Variants in PRDM10 observed in about 807,000 individuals in gnomAD.
The protein encoded by PRDM10 is PR domain zinc finger protein 10.
PRDM10 carries 65 observed loss-of-function variants against 133.1 expected under a neutral mutation model. The ratio of observed to expected loss-of-function variants is 0.49; its 90% CI spans 0.40 to 0.60. The LOEUF is 0.60. Among genes scored for constraint, PRDM10 ranks in the 20% least tolerant of loss-of-function variants. The probability of loss-of-function intolerance (pLI) is 0.00; values close to 1 mark genes in which losing one functional copy is unlikely to be tolerated. For synonymous variants in PRDM10, 582 were observed against 580.4 expected (o/e 1.00, Z -0.04); for missense variants, 1,137 against 1,507.1 (o/e 0.75, Z 4.07).
intron 7 of PRDM10, among the ~76,000 whole-genome samples, chr11:129,938,515 C>T (rs1951106164): frequency 1.3e-5 from 2 of 152,218 alleles, no homozygotes; most frequent in Admixed American, 1.3e-4. Flanking sequence ...TGTTCTCCAT[C>T]CCCGCTTTTG....
At chr11:129,986,243 T>C (rs57424638) in intron 1 of PRDM10, among the ~76,000 whole-genome samples, 3,552 of 151,766 alleles carry the variant, frequency 0.023, 116 homozygotes, top group African/African-American at 0.076. Context: ...ACAAGAATGG[T>C]TGGAAATCAC....
At chr11:129,959,472 T>G (rs992500528) in intron 2 of PRDM10, among the ~76,000 whole-genome samples, 1 of 152,116 alleles carries the variant, frequency 6.6e-6, no homozygotes, top group Non-Finnish European at 1.5e-5. Flanking sequence ...TCTTCATCAT[T>G]CATTAAATCA....
At chr11:129,917,355 A>G (rs115470990) in intron 14 of PRDM10, 118 bp from the exon 15 acceptor site, 26,130 of 726,106 alleles carry the variant, frequency 0.036, 669 homozygotes, top group Admixed American at 0.076. Flanking sequence ...AATGCCCCCA[A>G]ATAATAAGGC....
chr11:129,945,766 A>T lies in PRDM10; in HGVS notation c.521-754T>A, dbSNP rs73016894. ...GGAGAGCAAATGGACCACACAGGCCATGCCCACAACCCTTAACACACTTAA... is the reference window on the plus strand; with the variant it reads ...GGAGAGCAAATGGACCACACAGGCCTTGCCCACAACCCTTAACACACTTAA... On this transcript the variant is annotated intron_variant, in intron 5 of 20. Coordinates refer to ENST00000360871, the MANE Select transcript of PRDM10 (RefSeq NM_199437.2). The surrounding 1 kb of genome is among the most constrained non-coding windows in gnomAD (Gnocchi z 4.2). Among the ~76,000 whole-genome samples the T allele has an allele frequency of 0.1, 15,175 of 152,276 alleles. 920 individuals are homozygous for T. The highest frequency in any genetic ancestry group is 0.16 in the African/African-American group (6,571 of 41,534).
chr11:129,937,469 C>T (rs1951069554), intron 8 of PRDM10, 129 bp downstream of exon 8: 2 of 663,054 alleles, frequency 3.0e-6, no homozygotes, highest in Non-Finnish European at 4.9e-6. Context: ...AGATGTGTGT[C>T]TCTAAAAAAC....
intron 18 of PRDM10, among the ~76,000 whole-genome samples, 162 bp downstream of exon 18, chr11:129,911,923 G>A (rs1020165920): frequency 6.6e-6 from 1 of 152,216 alleles, no homozygotes; most frequent in African/African-American, 2.4e-5. Context: ...TGTCCACAAT[G>A]CCAATATAAA....
At chr11:129,971,855 C>G (rs1348579503) in intron 1 of PRDM10, among the ~76,000 whole-genome samples, 1 of 152,202 alleles carries the variant, frequency 6.6e-6, no homozygotes, top group Non-Finnish European at 1.5e-5. Flanking sequence ...CTTGGGTGGT[C>G]GATGGGACTG....
chr11:129,903,127 T>G (rs191825005), intron 20 of PRDM10, among the ~76,000 whole-genome samples: 31 of 152,064 alleles, frequency 2.0e-4, no homozygotes, highest in African/African-American at 7.5e-4. Flanking sequence ...AAACTCCGTC[T>G]CTACTAAACA....
intron 1 of PRDM10, among the ~76,000 whole-genome samples, chr11:129,986,000 A>G (rs1565512368): frequency 6.6e-6 from 1 of 151,764 alleles, no homozygotes; most frequent in Non-Finnish European, 1.5e-5. Context: ...CTTAGTGTAC[A>G]CAGAGGTGTT....
chr11:129,999,403 A>G (rs970422746), intron 1 of PRDM10, among the ~76,000 whole-genome samples: 2 of 152,240 alleles, frequency 1.3e-5, no homozygotes, highest in African/African-American at 4.8e-5. Flanking sequence ...AATCTATTAA[A>G]GTACCTATAA....
chr11:129,938,575 C>CTTCTGACTGGCCTCTCCTT (rs1951108069), intron 7 of PRDM10, among the ~76,000 whole-genome samples: 1 of 152,212 alleles, frequency 6.6e-6, no homozygotes, highest in African/African-American at 2.4e-5. Context: ...GCCACTTGGC[C>CTTCTGACTGGCCTCTCCTT]TTCTGACTGG....
chr11:129,905,787 C>T (rs765825481), intron 19 of PRDM10, 46 bp from the exon 20 acceptor site: 1 of 1,537,716 alleles, frequency 6.5e-7, no homozygotes, highest in Admixed American at 1.7e-5. Flanking sequence ...CAGATTTTAA[C>T]ACAAGTCTTA....
chr11:129,915,495 T>G (rs75382360), intron 16 of PRDM10, among the ~76,000 whole-genome samples, 165 bp downstream of exon 16: 4,500 of 152,302 alleles, frequency 0.03, 99 homozygotes, highest in Admixed American at 0.071. Context: ...CCTCTTTCCA[T>G]TCTCTGCTGT....
chr11:129,903,104 G>T (rs1949892365), intron 20 of PRDM10, among the ~76,000 whole-genome samples: 1 of 152,006 alleles, frequency 6.6e-6, no homozygotes, highest in Admixed American at 6.6e-5. Flanking sequence ...AGACCAGCCT[G>T]ACCAACATGA....
intron 1 of PRDM10, among the ~76,000 whole-genome samples, chr11:130,002,193 C>A (rs1306958412): frequency 6.8e-6 from 1 of 147,744 alleles, no homozygotes; most frequent in Non-Finnish European, 1.5e-5. Flanking sequence ...GAGACCTGCC[C>A]GCCGCGCCCG....
intron 1 of PRDM10, among the ~76,000 whole-genome samples, chr11:129,978,317 A>G (rs186456025): frequency 3.9e-5 from 6 of 152,312 alleles, no homozygotes; most frequent in Admixed American, 2.0e-4. Flanking sequence ...CCACTGGGAA[A>G]AAACTCCAAA....
At chr11:129,950,297 C>T (rs968356053) in intron 4 of PRDM10, among the ~76,000 whole-genome samples, 3 of 152,162 alleles carry the variant, frequency 2.0e-5, no homozygotes, top group African/African-American at 4.8e-5. Flanking sequence ...GCCTGACCTG[C>T]AACGGCTGTG....
At position 129,920,714 on chromosome 11, in the gene PRDM10, C is replaced by G. The variant is rs945839402; in HGVS notation, c.2035-1996G>C. Among the ~76,000 whole-genome samples, 32 of 151,912 alleles carry G rather than the reference C, an allele frequency of 2.1e-4. 1 individual carries two copies. The highest frequency in any genetic ancestry group is 7.3e-4 in the African/African-American group (30 of 41,360). On this transcript the variant is annotated intron_variant, in intron 13 of 20. Coordinates refer to ENST00000360871, the MANE Select transcript of PRDM10 (RefSeq NM_199437.2). ...ACTCCTCACCTCTCCCTTTCCCTAG[C>G]TGGCAAACTGTTTCCCACCCATGAA...
At chr11:129,908,013 T>G (rs1157169053) in intron 19 of PRDM10, among the ~76,000 whole-genome samples, 1 of 152,122 alleles carries the variant, frequency 6.6e-6, no homozygotes, top group Non-Finnish European at 1.5e-5. Context: ...GGCAGGAGGA[T>G]GGCTTGAGCC....
Sources: gnomAD v4.1 joint callset for allele counts (sites outside exome capture counted in the v4.1 genomes callset) on GRCh38, gnomAD v4.1.1 for gene constraint, Gnocchi (gnomAD v3.1) non-coding constraint, MANE v1.5 for transcripts, NCBI Gene and HGNC (gene_info 2026-07-23, HGNC 2026-07-21) for gene names.